Variants in CDH18 observed in about 807,000 individuals in gnomAD.
The protein encoded by CDH18 is cadherin 18.
In CDH18, 31 loss-of-function variants were observed where a neutral mutation model predicts 67.9. That is an observed-to-expected ratio of 0.46 (90% CI 0.34 to 0.62). The LOEUF is 0.62. Ranked by LOEUF, CDH18 falls within the 20% of genes least tolerant of loss-of-function variation. CDH18 has a pLI of 0.01. For synonymous variants in CDH18, 362 were observed against 347.2 expected (o/e 1.04, Z -0.48); for missense variants, 890 against 975.5 (o/e 0.91, Z 1.17).
At chr5:19,681,090 A>G (rs1488063229) in intron 5 of CDH18, among the ~76,000 whole-genome samples, 4 of 152,016 alleles carry the variant, frequency 2.6e-5, no homozygotes, top group Non-Finnish European at 5.9e-5. Context: ...CCTTAAAAAG[A>G]ACAAGATCAT....
At chr5:20,439,362 TG>T (rs1177457922) in intron 1 of CDH18, among the ~76,000 whole-genome samples, 1 of 151,548 alleles carries the variant, frequency 6.6e-6, no homozygotes, top group African/African-American at 2.4e-5. Context: ...TGTAAACTAT[TG>T]TTTTGAAGGA....
At chr5:20,025,978 T>A (rs1179502931) in intron 2 of CDH18, among the ~76,000 whole-genome samples, 1 of 152,226 alleles carries the variant, frequency 6.6e-6, no homozygotes. Flanking sequence ...AGTATAAACT[T>A]CAGTTTTGAA....
At chr5:19,593,710 T>TCCTCCTCCTCCTCCTCCTCCTCCTCCTC (rs1561425870) in intron 6 of CDH18, among the ~76,000 whole-genome samples, 1 of 8,732 alleles carries the variant, frequency 1.1e-4, no homozygotes, top group Non-Finnish European at 1.9e-4. Flanking sequence ...TCCTCCTCCT[T>TCCTCCTCCTCCTCCTCCTCCTCCTCCTC]CTTCTTCTTC....
chr5:20,563,223 A>C (rs1435571956), intron 1 of CDH18, among the ~76,000 whole-genome samples: 1 of 152,078 alleles, frequency 6.6e-6, no homozygotes, highest in Non-Finnish European at 1.5e-5. Context: ...CAGAGTGAGA[A>C]AAAGTATATT....
At chr5:20,429,600 G>A (rs990599572) in intron 1 of CDH18, among the ~76,000 whole-genome samples, 1 of 149,892 alleles carries the variant, frequency 6.7e-6, no homozygotes, top group African/African-American at 2.5e-5. Context: ...AATATGAATG[G>A]GGGGGCAAAA....
chr5:20,035,768 A>C (rs1739806374), intron 2 of CDH18, among the ~76,000 whole-genome samples: 1 of 152,000 alleles, frequency 6.6e-6, no homozygotes, highest in East Asian at 1.9e-4. Flanking sequence ...TTAAAAGAGA[A>C]AATGATACTC....
chr5:20,319,968 G>A (rs1166548415), intron 1 of CDH18, among the ~76,000 whole-genome samples: 2 of 152,044 alleles, frequency 1.3e-5, no homozygotes, highest in African/African-American at 4.8e-5. Flanking sequence ...CTTTTGATAT[G>A]TCTGCATGAA....
At chr5:19,573,728 C>T (rs967333284) in intron 7 of CDH18, among the ~76,000 whole-genome samples, 3 of 152,168 alleles carry the variant, frequency 2.0e-5, no homozygotes, top group South Asian at 2.1e-4. Context: ...AGAAATGGTA[C>T]ATACTTGCTG....
At chr5:19,600,079 T>C (rs1746841240) in intron 6 of CDH18, among the ~76,000 whole-genome samples, 1 of 151,926 alleles carries the variant, frequency 6.6e-6, no homozygotes, top group Admixed American at 6.6e-5. Flanking sequence ...GAAACCATCA[T>C]TCTCAGCAAA....
intron 1 of CDH18, among the ~76,000 whole-genome samples, chr5:20,360,797 T>TA: frequency 6.6e-6 from 1 of 152,274 alleles, no homozygotes; most frequent in Middle Eastern, 3.4e-3. Flanking sequence ...TTTACATAGT[T>TA]AAAGCTTCTA....
intron 1 of CDH18, among the ~76,000 whole-genome samples, chr5:20,502,595 T>C (rs1257913514): frequency 6.6e-6 from 1 of 152,168 alleles, no homozygotes; most frequent in Non-Finnish European, 1.5e-5. Flanking sequence ...AGATTAACCC[T>C]GTTCTGTAAA....
In CDH18 at chr5:20,422,486, A is replaced by T. The variant is rs918173221; in HGVS notation, c.-580+152976T>A. On this transcript the variant is annotated intron_variant, in intron 1 of 14. Transcript: ENST00000507958. ...CTTATGTGACACATTATTATATTAAATTAATAATGTAAGATAAATGTGTTG... is the reference window on the plus strand; with the variant it reads ...CTTATGTGACACATTATTATATTAATTTAATAATGTAAGATAAATGTGTTG... Among the ~76,000 whole-genome samples, 3 of 151,084 alleles carry T rather than the reference A, an allele frequency of 2.0e-5. No individual in the cohort carries two copies. The South Asian group carries it at 6.2e-4, about 31-fold the overall frequency.
chr5:19,606,190 C>T (rs908962167), intron 6 of CDH18, among the ~76,000 whole-genome samples: 1 of 151,742 alleles, frequency 6.6e-6, no homozygotes, highest in Non-Finnish European at 1.5e-5. Flanking sequence ...TTTAAGTAAT[C>T]CACACTGTAT....
intron 1 of CDH18, among the ~76,000 whole-genome samples, chr5:20,548,567 C>T (rs1482135712): frequency 6.6e-6 from 1 of 152,018 alleles, no homozygotes; most frequent in Non-Finnish European, 1.5e-5. Flanking sequence ...TTTAACAATG[C>T]TCATCTCACA....
intron 5 of CDH18, among the ~76,000 whole-genome samples, chr5:19,676,822 C>G (rs1340535383): frequency 6.6e-6 from 1 of 151,998 alleles, no homozygotes; most frequent in African/African-American, 2.4e-5. Context: ...AAGGGGCCAG[C>G]CTATAGAGTC....
chr5:19,932,378 T>C (rs1793794027), intron 2 of CDH18, among the ~76,000 whole-genome samples: 1 of 151,752 alleles, frequency 6.6e-6, no homozygotes, highest in African/African-American at 2.4e-5. Context: ...CACTCAGATA[T>C]TCTCTACAAC....
intron 2 of CDH18, among the ~76,000 whole-genome samples, chr5:19,868,835 C>A (rs550290934): frequency 6.6e-6 from 1 of 152,222 alleles, no homozygotes; most frequent in Admixed American, 6.5e-5. Flanking sequence ...CATGTCTGCA[C>A]TGCAAGTGTG....
intron 2 of CDH18, among the ~76,000 whole-genome samples, chr5:19,935,323 C>T (rs764537909): frequency 5.3e-5 from 8 of 151,238 alleles, no homozygotes; most frequent in African/African-American, 9.7e-5. Context: ...GTAAGCTAGG[C>T]GATTTCAGTT....
intron 5 of CDH18, among the ~76,000 whole-genome samples, chr5:19,675,473 C>G (rs1759359232): frequency 1.3e-5 from 2 of 152,088 alleles, no homozygotes; most frequent in African/African-American, 4.8e-5. Context: ...GGAACGCATT[C>G]TCTTTCTCAG....
Sources: gnomAD v4.1 joint callset for allele counts (sites outside exome capture counted in the v4.1 genomes callset) on GRCh38, gnomAD v4.1.1 for gene constraint, MANE v1.5 for transcripts, NCBI Gene and HGNC (gene_info 2026-07-23, HGNC 2026-07-21) for gene names.